MAGI2: variants seen among roughly 807,000 people sequenced by gnomAD.
MAGI2 encodes membrane associated guanylate kinase, WW and PDZ domain containing 2, also known as membrane-associated guanylate kinase, WW and PDZ domain-containing protein 2.
A neutral mutation model predicts 133.3 loss-of-function variants in MAGI2; 35 were observed. That is an observed-to-expected ratio of 0.26 (90% CI 0.20 to 0.35). The LOEUF (loss-of-function observed/expected upper bound fraction) is 0.35. Ranked by LOEUF, MAGI2 falls within the 10% of genes least tolerant of loss-of-function variation. The probability of loss-of-function intolerance (pLI) is 1.00; values close to 1 mark genes in which losing one functional copy is unlikely to be tolerated. For synonymous variants in MAGI2, 729 were observed against 710.6 expected (o/e 1.03, Z -0.41); for missense variants, 1,636 against 1,863.4 (o/e 0.88, Z 2.25).
intron 9 of MAGI2, among the ~76,000 whole-genome samples, chr7:78,276,463 A>AT (rs141213736): frequency 1.0e-4 from 15 of 149,376 alleles, no homozygotes; most frequent in South Asian, 4.2e-4. Flanking sequence ...GTGGAATTTT[A>AT]TTTTTTTTTT....
At chr7:79,304,918 T>G (rs1459810744) in intron 1 of MAGI2, among the ~76,000 whole-genome samples, 1 of 152,184 alleles carries the variant, frequency 6.6e-6, no homozygotes. Context: ...AAGGTCACAG[T>G]GCTTATGTGG....
intron 6 of MAGI2, among the ~76,000 whole-genome samples, chr7:78,395,299 T>C (rs2151325358): frequency 6.6e-6 from 1 of 152,262 alleles, no homozygotes; most frequent in Middle Eastern, 3.4e-3. Flanking sequence ...TATCCTAAAA[T>C]TTTAAAGTCC....
At chr7:78,024,636 A>G (rs1235056307) in intron 21 of MAGI2, among the ~76,000 whole-genome samples, 1 of 152,144 alleles carries the variant, frequency 6.6e-6, no homozygotes, top group Non-Finnish European at 1.5e-5. Flanking sequence ...CCCTAATTCA[A>G]AATATGGGGA....
chr7:78,763,110 GT>G (rs1312382999), intron 2 of MAGI2, among the ~76,000 whole-genome samples: 1 of 152,160 alleles, frequency 6.6e-6, no homozygotes, highest in Non-Finnish European at 1.5e-5. Context: ...GTTCTTTCAG[GT>G]TCAGGGGATA....
intron 1 of MAGI2, among the ~76,000 whole-genome samples, chr7:79,337,320 T>G (rs1322248830): frequency 6.6e-6 from 1 of 152,218 alleles, no homozygotes; most frequent in Non-Finnish European, 1.5e-5. Context: ...AAATTCATTG[T>G]GAATTCTATA....
chr7:78,095,093 A>G (rs559364442), intron 20 of MAGI2, among the ~76,000 whole-genome samples: 1 of 152,182 alleles, frequency 6.6e-6, no homozygotes, highest in Non-Finnish European at 1.5e-5. Flanking sequence ...GGCAGATCTT[A>G]ATCAAGTGCT....
intron 1 of MAGI2, among the ~76,000 whole-genome samples, chr7:79,387,094 T>TTG (rs3050633): frequency 0.082 from 11,636 of 141,486 alleles, 510 homozygotes; most frequent in East Asian, 0.2. Flanking sequence ...ATTTTTATGC[T>TTG]TGTGTGTGTG....
intron 1 of MAGI2, among the ~76,000 whole-genome samples, chr7:79,382,264 G>C (rs1056166904): frequency 6.6e-6 from 1 of 151,676 alleles, no homozygotes; most frequent in African/African-American, 2.4e-5. Flanking sequence ...AATCCAGTGG[G>C]AATTCTATTA....
At chr7:78,386,310 C>T (rs192370751) in intron 6 of MAGI2, among the ~76,000 whole-genome samples, 1 of 152,192 alleles carries the variant, frequency 6.6e-6, no homozygotes, top group African/African-American at 2.4e-5. Flanking sequence ...CAGCATGCAT[C>T]GCATTACTAC....
intron 1 of MAGI2, among the ~76,000 whole-genome samples, chr7:79,153,412 A>T (rs1416559120): frequency 6.6e-6 from 1 of 152,174 alleles, no homozygotes; most frequent in African/African-American, 2.4e-5. Flanking sequence ...TTACAAATAG[A>T]TAACTACAAA....
chr7:78,991,860 T>G (rs1158916023), intron 2 of MAGI2, among the ~76,000 whole-genome samples: 2 of 152,084 alleles, frequency 1.3e-5, no homozygotes, highest in Non-Finnish European at 2.9e-5. Context: ...TGACTAAGTT[T>G]TCCACTACAG....
intron 20 of MAGI2, among the ~76,000 whole-genome samples, chr7:78,097,100 A>C (rs527631784): frequency 3.9e-5 from 6 of 152,358 alleles, no homozygotes; most frequent in African/African-American, 1.4e-4. Flanking sequence ...AATGCAAATC[A>C]AAACCACAAG....
intron 1 of MAGI2, among the ~76,000 whole-genome samples, chr7:79,090,550 C>A (rs1424143074): frequency 3.3e-5 from 5 of 151,978 alleles, no homozygotes; most frequent in Admixed American, 3.3e-4. Context: ...AGACATGAGA[C>A]AAGGAAATCT....
At chr7:78,452,758 G>A (rs1788865304) in intron 6 of MAGI2, among the ~76,000 whole-genome samples, 1 of 151,274 alleles carries the variant, frequency 6.6e-6, no homozygotes, top group South Asian at 2.1e-4. Flanking sequence ...AAAATGTCTA[G>A]TAATTTGAAA....
At chr7:78,257,554 T>G (rs1476529278) in intron 9 of MAGI2, among the ~76,000 whole-genome samples, 2 of 152,212 alleles carry the variant, frequency 1.3e-5, no homozygotes, top group African/African-American at 4.8e-5. Context: ...TGAATGCAAA[T>G]TATCCATTAT....
At chr7:78,318,615 G>T (rs1489721093) in intron 9 of MAGI2, among the ~76,000 whole-genome samples, 1 of 152,068 alleles carries the variant, frequency 6.6e-6, no homozygotes, top group Non-Finnish European at 1.5e-5. Flanking sequence ...AGGAAATACA[G>T]ACAATGCCAC....
At chr7:79,008,753 A>T (rs1464195392) in intron 1 of MAGI2, 2 of 152,168 alleles carry the variant, frequency 1.3e-5, no homozygotes, top group African/African-American at 2.4e-5. Context: ...CAATTGCAAC[A>T]ATTACCTATT....
At chr7:79,301,593 G>T (rs894375656) in intron 1 of MAGI2, among the ~76,000 whole-genome samples, 2 of 152,150 alleles carry the variant, frequency 1.3e-5, no homozygotes, top group Non-Finnish European at 2.9e-5. Context: ...AGAAAGACTT[G>T]CTTTGCCTCA....
chr7:78,537,170 T>TACACAC (rs3086437), intron 3 of MAGI2, among the ~76,000 whole-genome samples: 3,751 of 146,264 alleles, frequency 0.026, 73 homozygotes, highest in African/African-American at 0.041. Context: ...AGTATTCCAC[T>TACACAC]ACACACACAC....
Sources: allele counts gnomAD v4.1 joint callset (sites outside exome capture counted in the v4.1 genomes callset), GRCh38; gene constraint gnomAD v4.1.1; transcripts MANE v1.5; gene names NCBI Gene and HGNC (gene_info 2026-07-23, HGNC 2026-07-21).